RGS6: variants seen among roughly 807,000 people sequenced by gnomAD.
RGS6 encodes the protein regulator of G-protein signaling 6.
A neutral mutation model predicts 78.5 loss-of-function variants in RGS6; 30 were observed. The ratio of observed to expected loss-of-function variants is 0.38; its 90% CI spans 0.29 to 0.52. The LOEUF is 0.52. RGS6 is among the 20% of genes least tolerant of loss of function. The probability of loss-of-function intolerance (pLI) is 0.85; values close to 1 mark genes in which losing one functional copy is unlikely to be tolerated. For missense variants in RGS6, 495 were observed against 609.7 expected, an observed-to-expected ratio of 0.81 and a Z score of 1.98; for synonymous variants, 206 against 206.0, an observed-to-expected ratio of 1.00 and a Z score of 0.00.
intron 13 of RGS6, among the ~76,000 whole-genome samples, chr14:72,501,407 G>A (rs2096724454): frequency 1.3e-5 from 2 of 152,006 alleles, no homozygotes; most frequent in Admixed American, 6.5e-5. Context: ...GGAAAAAAAG[G>A]CAACTGTTTT....
chr14:72,458,445 C>A, intron 5 of RGS6, 68 bp downstream of exon 5: 1 of 1,241,106 alleles, frequency 8.1e-7, no homozygotes, highest in Non-Finnish European at 1.2e-6. Context: ...TAGGTTAGAA[C>A]TACAAAGAAA....
chr14:72,108,242 G>A (rs746033848), intron 2 of RGS6, among the ~76,000 whole-genome samples: 4 of 152,054 alleles, frequency 2.6e-5, no homozygotes, highest in Non-Finnish European at 4.4e-5. Context: ...GAGTACCCTA[G>A]ATACATTAGA....
At chr14:72,358,339 G>A (rs993663694) in intron 3 of RGS6, among the ~76,000 whole-genome samples, 1 of 152,204 alleles carries the variant, frequency 6.6e-6, no homozygotes, top group Non-Finnish European at 1.5e-5. Flanking sequence ...CCAGACTCCA[G>A]AATGGTAGGT....
rs1021244575 is a variant in RGS6, at chr14:72,562,774, A to C, written c.*307A>C. On this transcript the variant is annotated 3_prime_UTR_variant, in exon 18 of 18. Transcript: ENST00000553525. ...GATCCCAGCTCATTCAGGGGAGAAC[A>C]CGTCGTGGGGTTCCTGTCACGACTA... The C allele has an allele frequency of 1.3e-6, 2 of 1,524,218 alleles. No individual in the cohort carries two copies. The highest frequency in any genetic ancestry group is 1.8e-6 in the Non-Finnish European group (2 of 1,136,154). The allele number at this position is 1,524,218 out of a possible 1,614,324, so 94.4% of individuals were successfully genotyped here. A position where few individuals can be genotyped will look rare whatever the true frequency, so the allele number is the denominator to read the frequency against.
At chr14:72,096,659 A>G (rs1353436878) in intron 2 of RGS6, among the ~76,000 whole-genome samples, 1 of 152,134 alleles carries the variant, frequency 6.6e-6, no homozygotes, top group Non-Finnish European at 1.5e-5. Flanking sequence ...GGGCTCCTAC[A>G]CATGGCATCT....
the RGS6 span, among the ~76,000 whole-genome samples, chr14:71,898,884 A>G: frequency 2.6e-5 from 4 of 152,222 alleles, no homozygotes; most frequent in African/African-American, 9.6e-5. Flanking sequence ...CATGGTGTAT[A>G]TGTGCCACAT....
chr14:72,509,251 G>A (rs543824210), intron 13 of RGS6, among the ~76,000 whole-genome samples: 18 of 151,982 alleles, frequency 1.2e-4, no homozygotes, highest in East Asian at 7.7e-4. Context: ...TGTAGTCCCC[G>A]CTATTCGGGA....
intron 2 of RGS6, among the ~76,000 whole-genome samples, chr14:72,326,736 T>A (rs2073861380): frequency 6.6e-6 from 1 of 152,220 alleles, no homozygotes; most frequent in African/African-American, 2.4e-5. Flanking sequence ...GGAGTCTCGC[T>A]CTGTCCCCCA....
chr14:72,055,035 T>C (rs2093547484), intron 2 of RGS6, among the ~76,000 whole-genome samples: 1 of 152,240 alleles, frequency 6.6e-6, no homozygotes, highest in Non-Finnish European at 1.5e-5. Flanking sequence ...CTCATGTCAT[T>C]GGGCATTCAG....
Position 72,562,485 on chromosome 14 carries a change from C to T in RGS6, c.*18C>T, listed in dbSNP as rs1056046029. The T allele has an allele frequency of 6.8e-6, 11 of 1,611,430 alleles. No individual in the cohort carries two copies. Among genetic ancestry groups the T allele is most frequent in the Non-Finnish European group, 9.3e-6 (11 of 1,180,014 alleles). On this transcript the variant is annotated 3_prime_UTR_variant, in exon 18 of 18. Transcript: ENST00000553525. ...CCTCCTGACCGTTCCTACCGCAGGT[C>T]CAGGGCCTGGGCCCGCGGACCCCAC...
At chr14:71,876,416 T>C in the RGS6 span, among the ~76,000 whole-genome samples, 3 of 151,866 alleles carry the variant, frequency 2.0e-5, no homozygotes, top group Non-Finnish European at 4.4e-5. Context: ...TCTTTGTCTC[T>C]TTTGATCTTT....
chr14:72,537,422 C>T, intron 16 of RGS6: 1 of 701,164 alleles, frequency 1.4e-6, no homozygotes, highest in Non-Finnish European at 2.6e-6. Context: ...TTGTGTAGCC[C>T]TGGAAAGAGG....
chr14:72,150,788 C>T (rs760397665), intron 2 of RGS6, among the ~76,000 whole-genome samples: 4 of 152,082 alleles, frequency 2.6e-5, no homozygotes, highest in Non-Finnish European at 2.9e-5. Flanking sequence ...CACATTGATC[C>T]AATCACCTCC....
chr14:72,177,222 C>T (rs942721000), intron 2 of RGS6, among the ~76,000 whole-genome samples: 9 of 152,056 alleles, frequency 5.9e-5, no homozygotes, highest in African/African-American at 2.2e-4. Context: ...GACATAGGCA[C>T]CCATGTCTCT....
chr14:72,413,469 C>G (rs1175969238), intron 3 of RGS6, among the ~76,000 whole-genome samples: 2 of 152,112 alleles, frequency 1.3e-5, no homozygotes, highest in East Asian at 1.9e-4. Flanking sequence ...TGTCTCTGCA[C>G]GTGAGATGGG....
intron 3 of RGS6, among the ~76,000 whole-genome samples, chr14:72,365,241 G>C (rs1295510600): frequency 1.3e-5 from 2 of 152,158 alleles, no homozygotes; most frequent in Non-Finnish European, 2.9e-5. Context: ...CTGAGATAAA[G>C]GAAAAATTGT....
At chr14:72,250,013 TCTCA>T (rs1485062345) in intron 2 of RGS6, among the ~76,000 whole-genome samples, 1 of 144,496 alleles carries the variant, frequency 6.9e-6, no homozygotes, top group Non-Finnish European at 1.5e-5. Flanking sequence ...CACCGCATAT[TCTCA>T]CTCATAGGTG....
At chr14:72,374,925 T>A (rs2084318983) in intron 3 of RGS6, among the ~76,000 whole-genome samples, 2 of 152,196 alleles carry the variant, frequency 1.3e-5, no homozygotes, top group Admixed American at 1.3e-4. Flanking sequence ...CTTTGATAAG[T>A]AGCCAAATGG....
At chr14:72,357,893 C>T (rs945618491) in intron 3 of RGS6, among the ~76,000 whole-genome samples, 1 of 152,188 alleles carries the variant, frequency 6.6e-6, no homozygotes, top group Non-Finnish European at 1.5e-5. Flanking sequence ...AAGGCAGCAC[C>T]TCCCACCACA....
Sources: gnomAD v4.1 joint callset for allele counts (sites outside exome capture counted in the v4.1 genomes callset) on GRCh38, gnomAD v4.1.1 for gene constraint, MANE v1.5 for transcripts, NCBI Gene and HGNC (gene_info 2026-07-23, HGNC 2026-07-21) for gene names.